Variants in EXOC4 observed in about 807,000 individuals in gnomAD.
The protein encoded by EXOC4 is exocyst complex component 4.
Under a neutral mutation model 107.2 loss-of-function variants are expected in EXOC4, and 71 were observed. That is an observed-to-expected ratio of 0.66 (90% confidence interval 0.55 to 0.81). The LOEUF (loss-of-function observed/expected upper bound fraction) is 0.81. Ranked by LOEUF, EXOC4 falls within the 30% of genes least tolerant of loss-of-function variation. EXOC4 has a pLI of 0.00. For synonymous variants in EXOC4, 456 were observed against 441.2 expected, an observed-to-expected ratio of 1.03 and a Z score of -0.42; for missense variants, 1,108 against 1,189.6, an observed-to-expected ratio of 0.93 and a Z score of 1.01.
Position 133,711,030 on chromosome 7 carries a change from C to T in EXOC4, c.1514+80889C>T, listed in dbSNP as rs77834031. On this transcript the variant is annotated intron_variant, in intron 10 of 17. Coordinates refer to ENST00000253861, the MANE Select transcript of EXOC4 (RefSeq NM_021807.4). Reference sequence around the variant, plus strand: ...GGGTGAGAGATGTGATACACCACACCGTCCCCACGGAAAAACAGCAATACA... The same window carrying T: ...GGGTGAGAGATGTGATACACCACACTGTCCCCACGGAAAAACAGCAATACA... Among the ~76,000 whole-genome samples, 185 of 152,082 alleles carry T rather than the reference C, an allele frequency of 1.2e-3. 1 individual carries two copies. The highest frequency in any genetic ancestry group is 6.8e-3 in the Middle Eastern group (2 of 294).
At chr7:133,865,445 T>C (rs1355737777) in intron 11 of EXOC4, among the ~76,000 whole-genome samples, 1 of 152,218 alleles carries the variant, frequency 6.6e-6, no homozygotes. Context: ...TTCCCATCTC[T>C]AGAATTTTTG....
intron 11 of EXOC4, among the ~76,000 whole-genome samples, chr7:133,855,042 T>TAAATATAAATAAATATAA (rs1554409714): frequency 5.3e-5 from 4 of 75,664 alleles, no homozygotes; most frequent in African/African-American, 2.5e-4. Flanking sequence ...TCTAAATATA[T>TAAATATAAATAAATATAA]ATATATCTAA....
At chr7:133,777,279 AAGAG>A (rs151199039) in intron 10 of EXOC4, among the ~76,000 whole-genome samples, 214 of 1,772 alleles carry the variant, frequency 0.12, no homozygotes, top group African/African-American at 0.15. Flanking sequence ...GAGAGAGAGA[AAGAG>A]AGAGAGAGAG....
rs35982893 is a variant in EXOC4 at position 133,389,595 on chromosome 7, A to AAAGG, written c.1182+14593_1182+14594insAAGG. On this transcript the variant is annotated intron_variant, in intron 7 of 17. Coordinates refer to ENST00000253861, the MANE Select transcript of EXOC4 (RefSeq NM_021807.4). ...CAAAAAAAAAAAAAAAAAAAAAAAAAGAGAGTCTTAAGTCAGGTTGAAGTT... is the reference window on the plus strand; with the variant it reads ...CAAAAAAAAAAAAAAAAAAAAAAAAAAAGGGAGAGTCTTAAGTCAGGTTGAAGTT... Among the ~76,000 whole-genome samples the AAAGG allele has an allele frequency of 2.1e-5, 2 of 95,348 alleles. 1 individual carries two copies. The highest frequency in any genetic ancestry group is 8.5e-5 in the African/African-American group (2 of 23,468). The allele number at this position is 95,348 out of a possible 152,430, so 62.6% of individuals were successfully genotyped here.
chr7:133,713,582 C>A (rs1421122991), intron 10 of EXOC4, among the ~76,000 whole-genome samples: 1 of 152,142 alleles, frequency 6.6e-6, no homozygotes, highest in Admixed American at 6.5e-5. Flanking sequence ...GGCTTTGTGT[C>A]CCTACCCACA....
intron 11 of EXOC4, among the ~76,000 whole-genome samples, chr7:133,884,581 C>CTGTGTGTGTGTGTGTGTGTGTGTG (rs34350149): frequency 7.0e-6 from 1 of 143,632 alleles, no homozygotes; most frequent in African/African-American, 2.6e-5. Context: ...GCCCTATGCT[C>CTGTGTGTGTGTGTGTGTGTGTGTG]TGTGTGTGTG....
At chr7:134,079,354 C>T in the EXOC4 span, among the ~76,000 whole-genome samples, 2 of 152,210 alleles carry the variant, frequency 1.3e-5, no homozygotes, top group African/African-American at 4.8e-5. Flanking sequence ...ATTCTGGGTG[C>T]TTGAGGACCC....
intron 10 of EXOC4, among the ~76,000 whole-genome samples, chr7:133,698,210 G>A (rs1343884347): frequency 1.3e-5 from 2 of 152,030 alleles, no homozygotes; most frequent in African/African-American, 4.8e-5. Flanking sequence ...CCGCGGCGGG[G>A]GTGGTGGTGG....
At chr7:133,423,900 G>A (rs1399800991) in intron 7 of EXOC4, among the ~76,000 whole-genome samples, 1 of 152,204 alleles carries the variant, frequency 6.6e-6, no homozygotes, top group Admixed American at 6.5e-5. Context: ...GCTGCGGAGT[G>A]CCTGGGCTAG....
intron 9 of EXOC4, among the ~76,000 whole-genome samples, chr7:133,492,541 A>G (rs1213087114): frequency 6.6e-6 from 1 of 152,194 alleles, no homozygotes; most frequent in Admixed American, 6.5e-5. Flanking sequence ...GGCTTTCAGC[A>G]GTTTGTGATT....
At chr7:134,041,680 G>C (rs1200231206) in intron 17 of EXOC4, among the ~76,000 whole-genome samples, 1 of 152,110 alleles carries the variant, frequency 6.6e-6, no homozygotes, top group Non-Finnish European at 1.5e-5. Context: ...TAAAGATTTA[G>C]ATAAGTGCTG....
intron 17 of EXOC4, among the ~76,000 whole-genome samples, chr7:134,052,277 G>T (rs6955114): frequency 0.42 from 63,521 of 151,934 alleles, 13,912 homozygotes; most frequent in East Asian, 0.61. Flanking sequence ...TTCCAAAATG[G>T]GAGAAGGAGG....
chr7:133,770,160 A>G (rs1382847560), intron 10 of EXOC4, among the ~76,000 whole-genome samples: 2 of 151,952 alleles, frequency 1.3e-5, no homozygotes, highest in Non-Finnish European at 2.9e-5. Flanking sequence ...GTTAACTATT[A>G]CATTTTATCA....
chr7:133,500,962 C>G (rs1055787720), intron 9 of EXOC4, among the ~76,000 whole-genome samples: 2 of 152,070 alleles, frequency 1.3e-5, no homozygotes, highest in African/African-American at 4.8e-5. Context: ...TATGTCATGT[C>G]TTTTAGAATA....
At chr7:133,911,141 G>C (rs1799684305) in intron 12 of EXOC4, among the ~76,000 whole-genome samples, 1 of 152,164 alleles carries the variant, frequency 6.6e-6, no homozygotes, top group South Asian at 2.1e-4. Flanking sequence ...TAGTTACACA[G>C]TTGGCTCTGT....
chr7:133,388,415 C>T (rs766254692), intron 7 of EXOC4, among the ~76,000 whole-genome samples: 8 of 151,966 alleles, frequency 5.3e-5, no homozygotes, highest in South Asian at 2.1e-4. Flanking sequence ...TTTGGGAGGC[C>T]GGGGTGGGCA....
intron 17 of EXOC4, 82 bp downstream of exon 17, chr7:134,007,917 T>C (rs1794679593): frequency 1.6e-6 from 2 of 1,286,286 alleles, no homozygotes; most frequent in Admixed American, 5.2e-5. Flanking sequence ...AAATAGACTC[T>C]TGGTGCAGAA....
intron 1 of EXOC4, among the ~76,000 whole-genome samples, chr7:133,255,190 T>TC (rs57430962): frequency 0.13 from 20,334 of 151,692 alleles, 2,875 homozygotes; most frequent in African/African-American, 0.35. Flanking sequence ...TCTTTTCTTT[T>TC]TTTTTGAGAC....
intron 10 of EXOC4, among the ~76,000 whole-genome samples, chr7:133,631,264 T>C (rs978808429): frequency 6.6e-6 from 1 of 152,092 alleles, no homozygotes; most frequent in Non-Finnish European, 1.5e-5. Flanking sequence ...TCTATAATAT[T>C]TGAGGCATTT....
Sources: gnomAD v4.1 joint callset for allele counts (sites outside exome capture counted in the v4.1 genomes callset) on GRCh38, gnomAD v4.1.1 for gene constraint, MANE v1.5 for transcripts, NCBI Gene and HGNC (gene_info 2026-07-23, HGNC 2026-07-21) for gene names.